CYP11B2: variants seen among roughly 807,000 people sequenced by gnomAD.
CYP11B2 encodes cytochrome P450 family 11 subfamily B member 2.
CYP11B2 carries 38 observed loss-of-function variants against 49.3 expected under a neutral mutation model. The observed-to-expected ratio is 0.77, with a 90% confidence interval of 0.59 to 1.01. CYP11B2 has a LOEUF of 1.01. Among genes scored for constraint, CYP11B2 ranks in the 50% least tolerant of loss-of-function variants. The pLI is 0.00. For synonymous variants in CYP11B2, 290 were observed against 269.3 expected, an observed-to-expected ratio of 1.08 and a Z score of -0.75; for missense variants, 669 against 655.5, an observed-to-expected ratio of 1.02 and a Z score of -0.23.
chr8:142,912,475 G>T, intron 8 of CYP11B2, 55 bp downstream of exon 8: 1 of 1,568,338 alleles, frequency 6.4e-7, no homozygotes, highest in African/African-American at 1.4e-5. Flanking sequence ...CGCCCCCAGT[G>T]TGCAGGTCCC....
rs202054758 is a variant in CYP11B2, at chr8:142,917,052, C to T, written c.395+7G>A. 11 of 1,614,102 alleles carry T rather than the reference C, an allele frequency of 6.8e-6. No individual in the cohort carries two copies. The Admixed American group carries it at 1.0e-4, about 15-fold the overall frequency. On this transcript the variant is annotated splice_region_variant and intron_variant, in intron 2 of 8. Transcript: ENST00000323110. ...TCCCAGCTCTCAGCTCCCAACTCGCCGCTTACAACAAGAACACGCCACATT... is the reference window on the plus strand; with the variant it reads ...TCCCAGCTCTCAGCTCCCAACTCGCTGCTTACAACAAGAACACGCCACATT...
Position 142,914,306 on chromosome 8 carries a change from G to T in CYP11B2, c.912C>A (p.Ile304=), listed in dbSNP as rs2130328752. 1 of 1,614,194 alleles carries T rather than the reference G, an allele frequency of 6.2e-7. No homozygotes were observed. The change falls in exon 5 of 9, where the codon ATC becomes ATA. Residue 304 remains isoleucine (I), a synonymous_variant. Transcript: ENST00000323110. The stretch of plus-strand genomic sequence containing the variant: ...CAGTGAGTTCCATAGAGTTGGCCTT[G>T]ATGGCTTCTAGTGACAGTTCCGCCT... ...LLKAELSLEA[I]KANSMELTAG... is the part of the protein sequence containing the mutation.
Position 142,914,257 on chromosome 8 carries a change from G to A in CYP11B2, c.954+7C>T, listed in dbSNP as rs772188358. The A allele has an allele frequency of 3.3e-5, 53 of 1,613,914 alleles. No individual in the cohort carries two copies. Among genetic ancestry groups the A allele is most frequent in the Non-Finnish European group, 4.2e-5 (50 of 1,180,004 alleles). On this transcript the variant is annotated splice_region_variant and intron_variant, in intron 5 of 8. Transcript: ENST00000323110. ...CCTCTCTGGGTGGGGCTGGTTGCTG[G>A]CCTGACCGTGTCCACGCTCCCTGCA...
Position 142,917,200 on chromosome 8 carries a change from C to T in CYP11B2, c.254G>A (p.Gly85Glu), listed in dbSNP as rs1817662837. 1.9e-6 allele frequency: 3 copies of T among 1,614,102 alleles called. No homozygotes were observed. Among genetic ancestry groups the T allele is most frequent in the Non-Finnish European group, 2.5e-6 (3 of 1,180,008 alleles). ...LGPIFRYNLG[G>E]PRMVCVMLPE... ...CAGCATCACACACACCATGCGTGGT[C>T]CTCCCAAGTTGTACCTGTGGGGCCA... Residue 85 changes from glycine to glutamate, a missense_variant, in exon 2 of 9, where the codon GGA (glycine) becomes GAA (glutamate). Transcript: ENST00000323110.
chr8:142,917,312 G>T lies in CYP11B2; in HGVS notation c.240-98C>A, dbSNP rs544572665. ...AAAGTGTCTCCTGTCCACCCTCCCTGCTCCTGGATTAGCGGCTTCACAGCT... is the reference window on the plus strand; with the variant it reads ...AAAGTGTCTCCTGTCCACCCTCCCTTCTCCTGGATTAGCGGCTTCACAGCT... On this transcript the variant is annotated intron_variant, in intron 1 of 8. Coordinates refer to ENST00000323110, the MANE Select transcript of CYP11B2 (RefSeq NM_000498.3). 96 of 1,469,216 alleles carry T rather than the reference G, an allele frequency of 6.5e-5. 1 individual carries two copies. Among genetic ancestry groups the T allele is most frequent in the African/African-American group, 5.1e-4 (37 of 72,348 alleles). 91.0% of individuals were successfully genotyped at this position (1,469,216 alleles called of 1,614,324 possible).
At position 142,915,608 on chromosome 8, in the gene CYP11B2, T is replaced by A. The variant is rs1462321746; in HGVS notation, c.396-363A>T. ...CCAAGAAAGGAGGTGACCCCTGTTGTCAAGCTTTGCCCACCTCACCCACAC... is the reference window on the plus strand; with the variant it reads ...CCAAGAAAGGAGGTGACCCCTGTTGACAAGCTTTGCCCACCTCACCCACAC... On this transcript the variant is annotated intron_variant, in intron 2 of 8. Coordinates refer to ENST00000323110, the MANE Select transcript of CYP11B2 (RefSeq NM_000498.3). 2.3e-5 allele frequency among the ~76,000 whole-genome samples: 3 copies of A among 130,050 alleles called. 1 individual carries two copies. The highest frequency in any genetic ancestry group is 5.6e-5 in the Non-Finnish European group (3 of 53,608). 85.3% of individuals were successfully genotyped at this position (130,050 alleles called of 152,430 possible).
In CYP11B2 at chr8:142,917,756, C is replaced by T. The variant is rs6438; in HGVS notation, c.85G>A (p.Ala29Thr). ...QRARALGTRA[A>T]RAPRTVLPFE... ...GGCAGCACCGTCCTAGGGGCCCGAG[C>T]GGCTCTAGTGCCCAGTGCCCGTGCC... Residue 29 changes from alanine to threonine, a missense_variant, in exon 1 of 9, where the codon GCT (alanine) becomes ACT (threonine). Physicochemically the swap from Ala to Thr is moderately conservative, Grantham distance 58. Coordinates refer to ENST00000323110, the MANE Select transcript of CYP11B2 (RefSeq NM_000498.3). 2,933 of 1,614,200 alleles carry T rather than the reference C, an allele frequency of 1.8e-3. 52 individuals carry two copies. The African/African-American group carries it at 0.035, about 19-fold the overall frequency.
At chr8:142,913,501 C>G (rs368974757) in intron 5 of CYP11B2, 50 bp from the exon 6 acceptor site, 3 of 1,610,302 alleles carry the variant, frequency 1.9e-6, no homozygotes, top group South Asian at 2.2e-5. Flanking sequence ...AGGACTCAGC[C>G]CCCGGGACAC....
At chr8:142,912,130 G>C (rs763866972) in intron 8 of CYP11B2, 37 bp from the exon 9 acceptor site, 23 of 1,613,402 alleles carry the variant, frequency 1.4e-5, no homozygotes, top group Non-Finnish European at 1.9e-5. Context: ...GGCCTGGTCA[G>C]TAGCCCATGG....
At position 142,915,684 on chromosome 8, in the gene CYP11B2, C is replaced by T. The variant is rs13250178; in HGVS notation, c.396-439G>A. 4.6e-3 allele frequency among the ~76,000 whole-genome samples: 589 copies of T among 127,668 alleles called. 101 individuals carry two copies. The highest frequency in any genetic ancestry group is 0.016 in the Middle Eastern group (4 of 250). 83.8% of individuals were successfully genotyped at this position (127,668 alleles called of 152,430 possible). Reference sequence around the variant, plus strand: ...CTGCCCTCTCCTCCCCACCCTTCCCCGCCCTGGGCACAGTGCCTCTGGGGC... The same window carrying T: ...CTGCCCTCTCCTCCCCACCCTTCCCTGCCCTGGGCACAGTGCCTCTGGGGC... On this transcript the variant is annotated intron_variant, in intron 2 of 8. Transcript: ENST00000323110.
In CYP11B2 at chr8:142,912,776, T is replaced by C. The variant is rs372229066; in HGVS notation, c.1200+31A>G. ...TCAGGGAATGACTGGGGAGGGAGGT[T>C]CTCAGCTCGAGGGGTGTGGGGCTCA... On this transcript the variant is annotated intron_variant, in intron 7 of 8. Coordinates refer to ENST00000323110, the MANE Select transcript of CYP11B2 (RefSeq NM_000498.3). 6 of 1,613,460 alleles carry C rather than the reference T, an allele frequency of 3.7e-6. No individual in the cohort carries two copies. The African/African-American group carries it at 8.0e-5, about 22-fold the overall frequency.
intron 2 of CYP11B2, chr8:142,916,313 A>G (rs1817644531): frequency 2.3e-6 from 1 of 426,826 alleles, no homozygotes; most frequent in Admixed American, 2.5e-5. Flanking sequence ...CCTAAACCCC[A>G]CTATTCCCAA....
Position 142,914,835 on chromosome 8 carries a change from G to T in CYP11B2, c.669C>A (p.Phe223Leu), listed in dbSNP as rs1392720513. The T allele has an allele frequency of 1.2e-6, 2 of 1,613,822 alleles. No homozygotes were observed. Among genetic ancestry groups the T allele is most frequent in the East Asian group, 4.5e-5 (2 of 44,880 alleles). The change falls in exon 4 of 9, where the codon TTC (phenylalanine) becomes TTA (leucine). Residue 223 changes from phenylalanine (F) to leucine (L), a missense_variant. By Grantham distance (22) the Phe-to-Leu change is conservative. Transcript: ENST00000323110. ...GHSPSSASLN[F>L]LHALEVMFKS... ...TGAACATGACCTCCAGGGCATGGAG[G>T]AAGTTCAGGCTGGCAGAACTGGGGC...
chr8:142,912,654 G>A lies in CYP11B2; in HGVS notation c.1274C>T (p.Pro425Leu), dbSNP rs1461600526. The change falls in exon 8 of 9, where the codon CCC becomes CTC. Residue 425 changes from proline (P) to leucine (L), a missense_variant. Transcript: ENST00000323110. ...ALFPRPERYN[P>L]QRWLDIRGSG... ...GCCCCTGATGTCTAGCCAGCGCTGGGGATTATACCGCTCAGGCCTCGGGAA... is the reference window on the plus strand; with the variant it reads ...GCCCCTGATGTCTAGCCAGCGCTGGAGATTATACCGCTCAGGCCTCGGGAA... 6.2e-7 allele frequency: 1 copy of A among 1,614,164 alleles called. No homozygotes were observed. Among genetic ancestry groups the A allele is most frequent in the Non-Finnish European group, 8.5e-7 (1 of 1,180,016 alleles).
chr8:142,916,150 A>G (rs1817641202), intron 2 of CYP11B2, among the ~76,000 whole-genome samples: 1 of 152,202 alleles, frequency 6.6e-6, no homozygotes, highest in Admixed American at 6.5e-5. Flanking sequence ...GCATGTGCAC[A>G]GATGCAAGAC....
At chr8:142,916,517 C>G (rs1817648835) in intron 2 of CYP11B2, 1 of 427,514 alleles carries the variant, frequency 2.3e-6, no homozygotes. Context: ...ACCGCCCCAC[C>G]TTGTGCCTTG....
At chr8:142,912,404 G>A (rs1393999599) in intron 8 of CYP11B2, 126 bp downstream of exon 8, 36 of 1,112,786 alleles carry the variant, frequency 3.2e-5, no homozygotes, top group East Asian at 1.5e-4. Flanking sequence ...TGGTCACGCC[G>A]ACCTCAACCA....
At chr8:142,913,580 AC>A in intron 5 of CYP11B2, 129 bp from the exon 6 acceptor site, 1 of 1,109,904 alleles carries the variant, frequency 9.0e-7, no homozygotes, top group Non-Finnish European at 1.3e-6. Flanking sequence ...GAGCCCTGGG[AC>A]CCCGGATCTG....
Position 142,914,778 on chromosome 8 carries a change from C to T in CYP11B2, c.726G>A (p.Arg242=), listed in dbSNP as rs778544381. ...TGGGGCTGATCCAGCGAGACAGGCT[C>T]CTGGGCATGAACATGAGCTGGACGG... ...KSTVQLMFMP[R]SLSRWISPKV... is the part of the protein sequence containing the mutation. Residue 242 remains arginine (R), a synonymous_variant, in exon 4 of 9, where the codon AGG becomes AGA. Coordinates refer to ENST00000323110, the MANE Select transcript of CYP11B2 (RefSeq NM_000498.3). The T allele has an allele frequency of 7.4e-6, 12 of 1,613,590 alleles. No homozygotes were observed. The African/African-American group carries it at 9.4e-5, about 13-fold the overall frequency.
Sources: allele counts gnomAD v4.1 joint callset (sites outside exome capture counted in the v4.1 genomes callset), GRCh38; gene constraint gnomAD v4.1.1; transcripts MANE v1.5; gene names NCBI Gene and HGNC (gene_info 2026-07-23, HGNC 2026-07-21).